SNX18: variants seen among roughly 807,000 people sequenced by gnomAD.
SNX18 encodes sorting nexin 18, also known as sorting nexin-18.
SNX18 carries 35 observed loss-of-function variants against 48.7 expected under a neutral mutation model. That is an observed-to-expected ratio of 0.72 (90% CI 0.55 to 0.95). The LOEUF (loss-of-function observed/expected upper bound fraction) is 0.95. Ranked by LOEUF, SNX18 falls within the 40% of genes least tolerant of loss-of-function variation. SNX18 has a pLI of 0.00. For synonymous variants in SNX18, 492 were observed against 384.7 expected (o/e 1.28, Z -3.26); for missense variants, 824 against 871.0 (o/e 0.95, Z 0.68).
the SNX18 span, among the ~76,000 whole-genome samples, chr5:54,606,744 TATA>T: frequency 6.6e-6 from 1 of 152,234 alleles, no homozygotes; most frequent in Non-Finnish European, 1.5e-5. Flanking sequence ...AAAACATTAG[TATA>T]ATATCACAAC....
intron 1 of SNX18, among the ~76,000 whole-genome samples, chr5:54,533,530 C>A (rs1762289584): frequency 6.6e-6 from 1 of 152,162 alleles, no homozygotes; most frequent in Non-Finnish European, 1.5e-5. Context: ...TAGGGTATCC[C>A]CCCTTGGGCC....
the SNX18 span, among the ~76,000 whole-genome samples, chr5:54,603,316 C>T: frequency 6.6e-6 from 1 of 151,824 alleles, no homozygotes; most frequent in Non-Finnish European, 1.5e-5. Context: ...CCATAGTACA[C>T]TGGAGGCTCA....
chr5:54,606,535 C>T, the SNX18 span, among the ~76,000 whole-genome samples: 1 of 152,188 alleles, frequency 6.6e-6, no homozygotes, highest in African/African-American at 2.4e-5. Flanking sequence ...TGGCTCAATT[C>T]AGAGGCATTC....
At chr5:54,563,225 A>G in the SNX18 span, among the ~76,000 whole-genome samples, 1 of 152,212 alleles carries the variant, frequency 6.6e-6, no homozygotes, top group South Asian at 2.1e-4. Context: ...TCCAGTGTTT[A>G]TAAAGTCTAC....
the SNX18 span, among the ~76,000 whole-genome samples, chr5:54,609,752 T>A: frequency 1.3e-5 from 2 of 152,128 alleles, no homozygotes; most frequent in Admixed American, 6.6e-5. Flanking sequence ...TGCCATGCCG[T>A]GGTGATATAG....
the SNX18 span, among the ~76,000 whole-genome samples, chr5:54,573,760 C>T: frequency 6.6e-6 from 1 of 152,056 alleles, no homozygotes; most frequent in Non-Finnish European, 1.5e-5. Flanking sequence ...GGCAGTAGGC[C>T]TGGGACTGAG....
At chr5:54,615,855 G>A in the SNX18 span, among the ~76,000 whole-genome samples, 2 of 152,218 alleles carry the variant, frequency 1.3e-5, no homozygotes, top group African/African-American at 4.8e-5. Flanking sequence ...GTGGCATGTT[G>A]ATTAACATGA....
the SNX18 span, among the ~76,000 whole-genome samples, chr5:54,585,516 G>C: frequency 1.3e-5 from 2 of 152,062 alleles, no homozygotes; most frequent in Admixed American, 6.5e-5. Flanking sequence ...TGACTTCTGC[G>C]ATCTTGAATG....
the SNX18 span, among the ~76,000 whole-genome samples, chr5:54,621,238 T>A: frequency 6.6e-6 from 1 of 152,312 alleles, no homozygotes; most frequent in East Asian, 1.9e-4. Context: ...GAGAACTTCA[T>A]TCTAGTCTAG....
chr5:54,619,925 GC>G, the SNX18 span, among the ~76,000 whole-genome samples: 1 of 152,128 alleles, frequency 6.6e-6, no homozygotes, highest in Non-Finnish European at 1.5e-5. Flanking sequence ...TTCATCTGGG[GC>G]CCAGTAAATC....
chr5:54,638,042 T>C, the SNX18 span, among the ~76,000 whole-genome samples: 1 of 152,162 alleles, frequency 6.6e-6, no homozygotes, highest in African/African-American at 2.4e-5. Flanking sequence ...AAAATCTCTG[T>C]ACAAAACTCA....
In SNX18 at chr5:54,544,166, A is replaced by C. The variant is rs1053725998; in HGVS notation, c.*734A>C. The stretch of plus-strand genomic sequence containing the variant: ...CTTTGGATATGAAGTCTGTTAGGGA[A>C]GAAACAGTGCCACTATTCCCTTAGA... On this transcript the variant is annotated 3_prime_UTR_variant, in exon 2 of 2. Coordinates refer to ENST00000381410, the MANE Select transcript of SNX18 (RefSeq NM_001102575.2). 1 of 152,196 alleles carries C rather than the reference A, an allele frequency of 6.6e-6. No homozygotes were observed. The highest frequency in any genetic ancestry group is 1.5e-5 in the Non-Finnish European group (1 of 68,062). The allele number at this position is 152,196 out of a possible 1,614,324, so 9.4% of individuals were successfully genotyped here.
chr5:54,543,051 A>G, intron 1 of SNX18, 128 bp from the exon 2 acceptor site: 4 of 899,564 alleles, frequency 4.4e-6, no homozygotes, highest in Non-Finnish European at 6.5e-6. Context: ...CCTCACTTTA[A>G]ATTTCAAAGG....
rs766578812 is a variant in SNX18, at chr5:54,518,415, G to T, written c.463G>T (p.Asp155Tyr). ...CAGCCAAGGCAGCGATGATGACTGGGACGACGAGTGGGACGACAGCTCCAC... is the reference window on the plus strand; with the variant it reads ...CAGCCAAGGCAGCGATGATGACTGGTACGACGAGTGGGACGACAGCTCCAC... Reference protein sequence around the residue: ...QASQGSDDDWDDEWDDSSTVA... With the variant: ...QASQGSDDDWYDEWDDSSTVA... Residue 155 changes from aspartate to tyrosine, a missense_variant, in exon 1 of 2, where the codon GAC becomes TAC. Physicochemically the swap from Asp to Tyr is radical, Grantham distance 160. Coordinates refer to ENST00000381410, the MANE Select transcript of SNX18 (RefSeq NM_001102575.2). 3 of 1,585,714 alleles carry T rather than the reference G, an allele frequency of 1.9e-6. No individual in the cohort carries two copies. The South Asian group carries it at 3.4e-5, about 18-fold the overall frequency.
At chr5:54,565,912 G>C in the SNX18 span, among the ~76,000 whole-genome samples, 1 of 152,170 alleles carries the variant, frequency 6.6e-6, no homozygotes, top group Non-Finnish European at 1.5e-5. Context: ...TTAGAGAAAA[G>C]AACCCACTGA....
chr5:54,518,111 C>T lies in SNX18; in HGVS notation c.159C>T (p.Ala53=), dbSNP rs759902971. 3.9e-5 allele frequency: 59 copies of T among 1,500,382 alleles called. No homozygotes were observed. Among genetic ancestry groups the T allele is most frequent in the Admixed American group, 2.0e-4 (9 of 44,352 alleles). The allele number at this position is 1,500,382 out of a possible 1,614,324, so 92.9% of individuals were successfully genotyped here. Residue 53 remains alanine, a synonymous_variant, in exon 1 of 2, where the codon GCC becomes GCT. Transcript: ENST00000381410. The part of the protein sequence containing the change: ...NSRGDRGLFP[A]SYVQVIRAPE... ...GCGGCGACCGCGGCCTCTTCCCGGC[C>T]TCCTATGTGCAGGTGATCCGCGCCC...
intron 1 of SNX18, among the ~76,000 whole-genome samples, chr5:54,532,318 T>C (rs201946777): frequency 1.4e-3 from 97 of 67,356 alleles, no homozygotes; most frequent in South Asian, 2.2e-3. Flanking sequence ...TTTTTTTTTT[T>C]CTTTTTTTTT....
chr5:54,585,809 C>T, the SNX18 span, among the ~76,000 whole-genome samples: 4 of 151,960 alleles, frequency 2.6e-5, no homozygotes, highest in Non-Finnish European at 5.9e-5. Context: ...CGAGACCATC[C>T]TGGCTAACAT....
chr5:54,576,798 T>TTTGC, the SNX18 span, among the ~76,000 whole-genome samples: 97,272 of 148,252 alleles, frequency 0.66, 33,839 homozygotes, highest in Non-Finnish European at 0.75. Flanking sequence ...TGTTTGTTTG[T>TTTGC]TTGCTTGCTT....
Sources: gnomAD v4.1 joint callset for allele counts (sites outside exome capture counted in the v4.1 genomes callset) on GRCh38, gnomAD v4.1.1 for gene constraint, MANE v1.5 for transcripts, NCBI Gene and HGNC (gene_info 2026-07-23, HGNC 2026-07-21) for gene names.